Variants in SLC9C2 observed in about 807,000 individuals in gnomAD.
SLC9C2 encodes solute carrier family 9 member C2 (putative), also known as sodium/hydrogen exchanger 11.
In SLC9C2, 75 loss-of-function variants were observed where a neutral mutation model predicts 140.2. The observed-to-expected ratio is 0.53, with a 90% CI of 0.44 to 0.65. The LOEUF (loss-of-function observed/expected upper bound fraction) is 0.65, where lower values mean the gene tolerates loss of function less well. Among genes scored for constraint, SLC9C2 ranks in the 30% least tolerant of loss-of-function variants. The probability of loss-of-function intolerance (pLI) is 0.00; values close to 1 mark genes in which losing one functional copy is unlikely to be tolerated. For synonymous variants in SLC9C2, 375 were observed against 420.9 expected, an observed-to-expected ratio of 0.89 and a Z score of 1.34; for missense variants, 1,074 against 1,331.8, an observed-to-expected ratio of 0.81 and a Z score of 3.01.
At chr1:173,582,925 C>T (rs1418842581) in intron 6 of SLC9C2, among the ~76,000 whole-genome samples, 2 of 152,214 alleles carry the variant, frequency 1.3e-5, no homozygotes, top group Admixed American at 6.5e-5. Flanking sequence ...TAATTCTGAG[C>T]GAGCTGACAC....
chr1:173,542,288 A>G (rs936418955), intron 13 of SLC9C2, among the ~76,000 whole-genome samples: 6 of 151,504 alleles, frequency 4.0e-5, no homozygotes, highest in African/African-American at 1.4e-4. Context: ...GGACACATAC[A>G]CCCTCCCAAG....
chr1:173,573,167 A>G lies in SLC9C2; in HGVS notation c.1046+15T>C. 1 of 1,502,270 alleles carries G rather than the reference A, an allele frequency of 6.7e-7. No homozygotes were observed. Among genetic ancestry groups the G allele is most frequent in the Non-Finnish European group, 9.1e-7 (1 of 1,103,164 alleles). The allele number at this position is 1,502,270 out of a possible 1,614,324, so 93.1% of individuals were successfully genotyped here. ...ATCTCAGTTTAGTAAACAAACTTTA[A>G]AATATTATTCTTACCTTACCAAATT... On this transcript the variant is annotated intron_variant, in intron 9 of 27. Coordinates refer to ENST00000367714, the MANE Select transcript of SLC9C2 (RefSeq NM_178527.4).
chr1:173,590,905 A>T (rs1038269146), intron 4 of SLC9C2, among the ~76,000 whole-genome samples: 1 of 152,210 alleles, frequency 6.6e-6, no homozygotes, highest in Non-Finnish European at 1.5e-5. Flanking sequence ...TTTTAAAAAA[A>T]TACTTTTATT....
chr1:173,556,714 C>T (rs954735433), intron 10 of SLC9C2, among the ~76,000 whole-genome samples: 5 of 151,734 alleles, frequency 3.3e-5, no homozygotes, highest in Admixed American at 6.6e-5. Context: ...GCCAAGAGTT[C>T]GAGACCAGCC....
intron 3 of SLC9C2, among the ~76,000 whole-genome samples, chr1:173,599,420 G>A (rs1666644065): frequency 8.7e-6 from 1 of 115,170 alleles, no homozygotes; most frequent in African/African-American, 3.2e-5. Flanking sequence ...TGTCGCCCAG[G>A]CCGGAGTGCA....
intron 7 of SLC9C2, among the ~76,000 whole-genome samples, chr1:173,579,169 A>C (rs1363556833): frequency 1.3e-5 from 2 of 152,230 alleles, no homozygotes; most frequent in Non-Finnish European, 2.9e-5. Context: ...ACCTGAACAA[A>C]TGCAACCAAA....
At chr1:173,564,898 A>G (rs564391814) in intron 9 of SLC9C2, among the ~76,000 whole-genome samples, 1 of 150,840 alleles carries the variant, frequency 6.6e-6, no homozygotes, top group African/African-American at 2.4e-5. Flanking sequence ...CGGCCTCCCA[A>G]AGTGCTGGGA....
intron 11 of SLC9C2, among the ~76,000 whole-genome samples, chr1:173,550,872 A>AGAGAGAGAGAGAGAGAGAGAGAG (rs1663237327): frequency 2.3e-5 from 2 of 86,476 alleles, no homozygotes; most frequent in African/African-American, 1.3e-4. Flanking sequence ...GAGCCGTTGA[A>AGAGAGAGAGAGAGAGAGAGAGAG]AGAGAGAGAG....
In SLC9C2 at chr1:173,583,600, A is replaced by G; in HGVS notation, c.546T>C (p.Asp182=). Residue 182 remains aspartate (D), a synonymous_variant, in exon 6 of 28, where the codon GAT becomes GAC. Transcript: ENST00000367714. ...TGATCAATGATTCTCCTCTAATGAG[A>G]TCAATGTATATTTTAGAAATGCCTG... The part of the protein sequence containing the change: ...KTIGISKIYI[D]LIRGESLIIC... The G allele has an allele frequency of 6.4e-7, 1 of 1,566,398 alleles. No individual in the cohort carries two copies. Among genetic ancestry groups the G allele is most frequent in the African/African-American group, 1.4e-5 (1 of 72,780 alleles).
intron 8 of SLC9C2, among the ~76,000 whole-genome samples, chr1:173,573,673 T>G (rs1351893280): frequency 6.6e-6 from 1 of 152,122 alleles, no homozygotes; most frequent in South Asian, 2.1e-4. Flanking sequence ...AAACCCGGAG[T>G]TGTAGTTGCT....
At chr1:173,597,003 C>T in intron 4 of SLC9C2, among the ~76,000 whole-genome samples, 1 of 151,764 alleles carries the variant, frequency 6.6e-6, no homozygotes, top group East Asian at 1.9e-4. Context: ...TTAAACTGAA[C>T]TGAAAAATAA....
chr1:173,589,559 C>CA lies in SLC9C2; in HGVS notation c.358-1730dup, dbSNP rs201596852. On this transcript the variant is annotated intron_variant, in intron 4 of 27. Coordinates refer to ENST00000367714, the MANE Select transcript of SLC9C2 (RefSeq NM_178527.4). Reference sequence around the variant, plus strand: ...TGGGTGACAGAGCTAGACTCTGTCTCAAAAAAAAATAGATATATAAATAAA... The same window carrying CA: ...TGGGTGACAGAGCTAGACTCTGTCTCAAAAAAAAAATAGATATATAAATAAA... 1.4e-3 allele frequency among the ~76,000 whole-genome samples: 198 copies of CA among 145,914 alleles called. 1 individual carries two copies. The highest frequency in any genetic ancestry group is 3.5e-3 in the Middle Eastern group (1 of 286).
intron 9 of SLC9C2, among the ~76,000 whole-genome samples, chr1:173,568,931 T>C (rs911122854): frequency 6.6e-6 from 1 of 152,218 alleles, no homozygotes; most frequent in African/African-American, 2.4e-5. Flanking sequence ...TTCTTATTGC[T>C]CATTAACATC....
intron 4 of SLC9C2, among the ~76,000 whole-genome samples, chr1:173,590,498 T>C (rs1666098314): frequency 6.6e-6 from 1 of 152,172 alleles, no homozygotes; most frequent in African/African-American, 2.4e-5. Context: ...ACCCTATATA[T>C]ACTATGGTTT....
chr1:173,568,014 G>A (rs1664594265), intron 9 of SLC9C2, among the ~76,000 whole-genome samples: 3 of 151,994 alleles, frequency 2.0e-5, no homozygotes, highest in Non-Finnish European at 4.4e-5. Flanking sequence ...ATATCTTATT[G>A]TATGTACTGT....
At chr1:173,596,489 T>C (rs1370579602) in intron 4 of SLC9C2, 2 of 152,164 alleles carry the variant, frequency 1.3e-5, no homozygotes, top group Non-Finnish European at 2.9e-5. Context: ...TGGTATCTCA[T>C]TGTGGTTTTA....
At position 173,554,548 on chromosome 1, in the gene SLC9C2, G is replaced by A. The variant is rs553065850; in HGVS notation, c.1297+185C>T. Among the ~76,000 whole-genome samples, 24 of 152,198 alleles carry A rather than the reference G, an allele frequency of 1.6e-4. No homozygotes were observed. The South Asian group carries it at 1.7e-3, about 11-fold the overall frequency. The stretch of plus-strand genomic sequence containing the variant: ...TCTTGTTTAAGCCTCTGTTCATTTC[G>A]CTTTTGTTAAACTGGCTGAAACAAT... On this transcript the variant is annotated intron_variant, in intron 11 of 27. Transcript: ENST00000367714.
intron 9 of SLC9C2, among the ~76,000 whole-genome samples, chr1:173,566,594 T>C (rs1159719163): frequency 6.6e-6 from 1 of 152,078 alleles, no homozygotes; most frequent in Non-Finnish European, 1.5e-5. Context: ...TAGGTAAAGG[T>C]TTGTCATTTT....
chr1:173,585,687 C>A (rs977322904), intron 5 of SLC9C2, among the ~76,000 whole-genome samples: 2 of 152,164 alleles, frequency 1.3e-5, no homozygotes, highest in African/African-American at 4.8e-5. Context: ...AGACTTTCAG[C>A]CGGGTGCAGT....
Sources: allele counts gnomAD v4.1 joint callset (sites outside exome capture counted in the v4.1 genomes callset), GRCh38; gene constraint gnomAD v4.1.1; transcripts MANE v1.5; gene names NCBI Gene and HGNC (gene_info 2026-07-23, HGNC 2026-07-21).